The following CCDC178 variants were observed in gnomAD, a reference collection of about 807,000 sequenced individuals.
The protein encoded by CCDC178 is coiled-coil domain-containing protein 178.
CCDC178 carries 126 observed loss-of-function variants against 117.4 expected under a neutral mutation model. The observed-to-expected ratio is 1.07, with a 90% CI of 0.93 to 1.24. The LOEUF (loss-of-function observed/expected upper bound fraction) is 1.24, where lower values mean the gene tolerates loss of function less well. CCDC178 is among the 50% of genes most tolerant of loss of function. The probability of loss-of-function intolerance (pLI) is 0.00; values close to 1 mark genes in which losing one functional copy is unlikely to be tolerated. For missense variants in CCDC178, 1,030 were observed against 986.9 expected (o/e 1.04, Z -0.59); for synonymous variants, 283 against 313.4 (o/e 0.90, Z 1.02).
chr18:33,021,001 T>C (rs976386212), intron 21 of CCDC178, among the ~76,000 whole-genome samples: 1 of 152,158 alleles, frequency 6.6e-6, no homozygotes, highest in African/African-American at 2.4e-5. Context: ...GGAGAGTGAT[T>C]TCATATTTCT....
intron 21 of CCDC178, 97 bp from the exon 22 acceptor site, chr18:32,974,778 A>G: frequency 8.1e-7 from 1 of 1,227,524 alleles, no homozygotes; most frequent in South Asian, 1.3e-5. Flanking sequence ...TATAGAAAGC[A>G]GTCAATAGCC....
At chr18:33,107,923 T>G (rs992348358) in intron 20 of CCDC178, among the ~76,000 whole-genome samples, 4 of 151,752 alleles carry the variant, frequency 2.6e-5, no homozygotes, top group African/African-American at 9.7e-5. Flanking sequence ...ACGTTCTTTT[T>G]GTACCTCTGC....
chr18:33,167,866 CTAAATAAATAAATAAA>C (rs34929402), intron 20 of CCDC178, among the ~76,000 whole-genome samples: 10 of 148,620 alleles, frequency 6.7e-5, no homozygotes, highest in Non-Finnish European at 1.2e-4. Context: ...GACTCTGTCT[CTAAATAAATAAATAAA>C]TAAATAAATA....
intron 21 of CCDC178, among the ~76,000 whole-genome samples, chr18:33,067,700 C>T (rs1159029706): frequency 6.6e-5 from 10 of 151,624 alleles, no homozygotes; most frequent in East Asian, 1.9e-4. Flanking sequence ...AAAATTAGCC[C>T]GGCGTGGTGG....
At chr18:33,203,187 T>C (rs912979803) in intron 20 of CCDC178, among the ~76,000 whole-genome samples, 3 of 152,190 alleles carry the variant, frequency 2.0e-5, no homozygotes, top group Non-Finnish European at 4.4e-5. Flanking sequence ...ACATATTTGC[T>C]CTTATGAACT....
intron 21 of CCDC178, among the ~76,000 whole-genome samples, chr18:33,053,429 C>A (rs572757106): frequency 6.6e-6 from 1 of 152,044 alleles, no homozygotes; most frequent in African/African-American, 2.4e-5. Context: ...AAATGGTGGA[C>A]GGACATAGGT....
intron 21 of CCDC178, among the ~76,000 whole-genome samples, chr18:33,064,855 A>G (rs2056984262): frequency 6.6e-6 from 1 of 152,176 alleles, no homozygotes; most frequent in African/African-American, 2.4e-5. Context: ...AAGTGTCAAC[A>G]ATGAATGAAA....
At chr18:33,045,254 T>A (rs953888270) in intron 21 of CCDC178, among the ~76,000 whole-genome samples, 1 of 152,178 alleles carries the variant, frequency 6.6e-6, no homozygotes, top group Non-Finnish European at 1.5e-5. Flanking sequence ...ATTTATAGAA[T>A]TTAAACAATA....
intron 11 of CCDC178, among the ~76,000 whole-genome samples, chr18:33,311,153 A>G (rs1157452910): frequency 6.6e-6 from 1 of 152,140 alleles, no homozygotes; most frequent in Admixed American, 6.6e-5. Flanking sequence ...CATTCTCCTC[A>G]CTGGAGCAGG....
At chr18:33,075,615 C>T (rs2057191807) in intron 21 of CCDC178, among the ~76,000 whole-genome samples, 1 of 152,088 alleles carries the variant, frequency 6.6e-6, no homozygotes, top group South Asian at 2.1e-4. Context: ...CTGTTCCCAT[C>T]AGATAAGAAA....
At chr18:33,435,853 T>C (rs2064282297) in intron 2 of CCDC178, among the ~76,000 whole-genome samples, 1 of 151,946 alleles carries the variant, frequency 6.6e-6, no homozygotes, top group Non-Finnish European at 1.5e-5. Context: ...CCCATACCTC[T>C]GGCATGAATG....
intron 12 of CCDC178, among the ~76,000 whole-genome samples, chr18:33,268,774 A>C (rs1412895181): frequency 6.6e-6 from 1 of 151,730 alleles, no homozygotes; most frequent in Non-Finnish European, 1.5e-5. Flanking sequence ...AGTCTCTGAA[A>C]ACTCCCTCTT....
intron 22 of CCDC178, among the ~76,000 whole-genome samples, chr18:32,940,821 G>A (rs1287346913): frequency 6.6e-6 from 1 of 152,038 alleles, no homozygotes; most frequent in Non-Finnish European, 1.5e-5. Flanking sequence ...GCAAAACATT[G>A]ATCAGAACAA....
At chr18:33,139,676 T>C (rs1005934136) in intron 20 of CCDC178, among the ~76,000 whole-genome samples, 1 of 152,096 alleles carries the variant, frequency 6.6e-6, no homozygotes, top group African/African-American at 2.4e-5. Flanking sequence ...AGAGGTGACT[T>C]TGGTGCTGTT....
At chr18:33,103,597 A>C (rs193075805) in intron 20 of CCDC178, among the ~76,000 whole-genome samples, 49 of 151,730 alleles carry the variant, frequency 3.2e-4, no homozygotes, top group African/African-American at 1.2e-3. Context: ...AAAAAAAAAG[A>C]AATCTTTGTG....
intron 22 of CCDC178, among the ~76,000 whole-genome samples, chr18:32,966,719 T>C (rs1157633708): frequency 6.6e-6 from 1 of 151,848 alleles, no homozygotes; most frequent in East Asian, 1.9e-4. Flanking sequence ...AGTATGATTG[T>C]ATTGAATGGA....
At chr18:33,390,189 TAG>T (rs923442276) in intron 4 of CCDC178, among the ~76,000 whole-genome samples, 3 of 151,466 alleles carry the variant, frequency 2.0e-5, no homozygotes, top group Admixed American at 6.6e-5. Flanking sequence ...AGAGAAAATG[TAG>T]AGAGAGAGGG....
Position 33,122,379 on chromosome 18 carries a change from T to C in CCDC178, c.2239-29469A>G, listed in dbSNP as rs576487545. ...TCAGAAATATTGATACCTGCACTTA[T>C]AGAGAGACAGAAGGTATAAAAATCC... On this transcript the variant is annotated intron_variant, in intron 20 of 22. Coordinates refer to ENST00000383096, the MANE Select transcript of CCDC178 (RefSeq NM_001105528.4). Among the ~76,000 whole-genome samples the C allele has an allele frequency of 5.9e-5, 9 of 152,266 alleles. No homozygotes were observed. In the East Asian group the frequency reaches 1.5e-3, roughly 26 times the overall value.
chr18:33,060,001 T>C (rs549633775), intron 21 of CCDC178, among the ~76,000 whole-genome samples: 3 of 152,304 alleles, frequency 2.0e-5, no homozygotes, highest in South Asian at 2.1e-4. Context: ...CTAATATTTA[T>C]TTGCAGCTCT....
Sources: gnomAD v4.1 joint callset for allele counts (sites outside exome capture counted in the v4.1 genomes callset) on GRCh38, gnomAD v4.1.1 for gene constraint, MANE v1.5 for transcripts, NCBI Gene and HGNC (gene_info 2026-07-23, HGNC 2026-07-21) for gene names.